The following CCDC88C variants were observed in gnomAD, a reference collection of about 807,000 sequenced individuals.
CCDC88C encodes coiled-coil and HOOK domain protein 88C.
A neutral mutation model predicts 198.8 loss-of-function variants in CCDC88C; 131 were observed. The ratio of observed to expected loss-of-function variants is 0.66; its 90% CI spans 0.57 to 0.76. The LOEUF (loss-of-function observed/expected upper bound fraction) is 0.76, where lower values mean the gene tolerates loss of function less well. Among genes scored for constraint, CCDC88C ranks in the 30% least tolerant of loss-of-function variants. CCDC88C has a pLI of 0.00. For missense variants in CCDC88C, 2,553 were observed against 2,631.6 expected (o/e 0.97, Z 0.65); for synonymous variants, 1,166 against 1,114.7 (o/e 1.05, Z -0.92).
rs147570702 is a variant in CCDC88C, at chr14:91,339,175, C to T, written c.809+103G>A. The T allele has an allele frequency of 9.2e-3, 12,757 of 1,384,826 alleles. 89 individuals carry two copies. Among genetic ancestry groups the T allele is most frequent in the Middle Eastern group, 0.013 (54 of 4,074 alleles). 85.8% of individuals were successfully genotyped at this position (1,384,826 alleles called of 1,614,324 possible). On this transcript the variant is annotated intron_variant, in intron 8 of 29. Transcript: ENST00000389857. This position sits in a 1 kb window ranked among gnomAD's most constrained non-coding sequence, Gnocchi z 5.8. ...AGACCCCAGCTGACTCCGGGGCACA[C>T]GTCAGAGCTGTGCCATTGGCAGCAC...
chr14:91,278,031 C>A lies in CCDC88C; in HGVS notation c.4949G>T (p.Gly1650Val), dbSNP rs766302967. The A allele has an allele frequency of 1.2e-5, 20 of 1,604,400 alleles. No homozygotes were observed. Among genetic ancestry groups the A allele is most frequent in the Non-Finnish European group, 1.5e-5 (18 of 1,175,638 alleles). The change falls in exon 29 of 30, where the codon GGC becomes GTC. Residue 1650 changes from glycine to valine, a missense_variant. By Grantham distance (109) the Gly-to-Val change is moderately radical. Around this residue, in one of 2 missense-constraint regions of CCDC88C, gnomAD observed 1,293 missense variants for 1,219.6 expected, o/e 1.06. Transcript: ENST00000389857. The stretch of plus-strand genomic sequence containing the variant: ...CACTCCGACGTAGGGAGGGGCTGTG[C>A]CCCTCTTCTGGGCACCCTCCTGTGG... ...PLPQEGAQKR[G>V]TAPPYVGVRP...
At chr14:91,324,980 A>G in intron 11 of CCDC88C, 57 bp from the exon 12 acceptor site, 1 of 1,606,144 alleles carries the variant, frequency 6.2e-7, no homozygotes, top group Non-Finnish European at 8.5e-7. Context: ...ATCCCCCTGG[A>G]CAAGCCTCAG....
chr14:91,415,440 G>A (rs544939507), intron 2 of CCDC88C, among the ~76,000 whole-genome samples: 151 of 152,038 alleles, frequency 9.9e-4, no homozygotes, highest in African/African-American at 3.6e-3. Flanking sequence ...AATAAAAGGA[G>A]GCCGGGCACC....
chr14:91,359,617 G>A (rs866163202), intron 4 of CCDC88C, 25 bp downstream of exon 4: 1 of 1,589,820 alleles, frequency 6.3e-7, no homozygotes, highest in Middle Eastern at 1.7e-4. Flanking sequence ...GCACCACAGG[G>A]GAGAAGGGAG....
At position 91,321,341 on chromosome 14, in the gene CCDC88C, G is replaced by A. The variant is rs367852359; in HGVS notation, c.1343-37C>T. 1.1e-4 allele frequency: 177 copies of A among 1,543,432 alleles called. No homozygotes were observed. In the African/African-American group the frequency reaches 2.2e-3, roughly 19 times the overall value. Reference sequence around the variant, plus strand: ...GTCCAGTCAGAGCCCAGTGGTCTGTGGGCCTCCACTTCCACTCTCTGCCCC... The same window carrying A: ...GTCCAGTCAGAGCCCAGTGGTCTGTAGGCCTCCACTTCCACTCTCTGCCCC... On this transcript the variant is annotated intron_variant, in intron 12 of 29. Transcript: ENST00000389857.
intron 3 of CCDC88C, among the ~76,000 whole-genome samples, chr14:91,404,180 G>GGTGCTCTCTCTCCAAGGCTT (rs1432651990): frequency 5.3e-5 from 8 of 152,176 alleles, no homozygotes; most frequent in Non-Finnish European, 1.2e-4. Flanking sequence ...GACTGACCCA[G>GGTGCTCTCTCTCCAAGGCTT]GTGCTCTCTC....
At chr14:91,309,790 T>C (rs985693522) in intron 16 of CCDC88C, 69 bp downstream of exon 16, 141 of 1,517,126 alleles carry the variant, frequency 9.3e-5, no homozygotes, top group Admixed American at 7.9e-4. Context: ...CAGGGGAGGG[T>C]GAGGAGCCTG....
chr14:91,342,323 C>G, intron 6 of CCDC88C, 57 bp downstream of exon 6: 12 of 1,119,508 alleles, frequency 1.1e-5, no homozygotes, highest in Non-Finnish European at 1.6e-5. Context: ...TTTTGCCTCC[C>G]GGCCACCACA....
At position 91,283,451 on chromosome 14, in the gene CCDC88C, G is replaced by A. The variant is rs1363747292; in HGVS notation, c.4508C>T (p.Ser1503Phe). ...HRGSLDRTDA[S>F]TDLAMRSWPS... ...CCAGGACCTCATGGCCAGATCGGTG[G>A]AGGCATCTGTGCGGTCAAGGCTGCC... The change falls in exon 26 of 30, where the codon TCC becomes TTC. Residue 1503 changes from serine to phenylalanine, a missense_variant. Around this residue, in one of 2 missense-constraint regions of CCDC88C, gnomAD observed 1,293 missense variants for 1,219.6 expected, o/e 1.06. Coordinates refer to ENST00000389857, the MANE Select transcript of CCDC88C (RefSeq NM_001080414.4). 1 of 1,613,424 alleles carries A rather than the reference G, an allele frequency of 6.2e-7. No individual in the cohort carries two copies. The highest frequency in any genetic ancestry group is 8.5e-7 in the Non-Finnish European group (1 of 1,179,694).
In CCDC88C at chr14:91,316,068, C is replaced by T. The variant is rs775943762; in HGVS notation, c.1528-281G>A. On this transcript the variant is annotated intron_variant, in intron 13 of 29. Transcript: ENST00000389857. ...TGAGGCCGCCACCGCTGGGTGCCCT[C>T]GGGGGTTTCACACGCACCCAGCTTC... is the stretch of plus-strand genomic sequence containing the variant. Among the ~76,000 whole-genome samples the T allele has an allele frequency of 3.9e-5, 6 of 152,356 alleles. No individual in the cohort carries two copies. In the South Asian group the frequency reaches 6.2e-4, roughly 16 times the overall value.
intron 29 of CCDC88C, among the ~76,000 whole-genome samples, chr14:91,275,809 C>G (rs1169781977): frequency 7.0e-6 from 1 of 141,854 alleles, no homozygotes; most frequent in African/African-American, 2.6e-5. Context: ...TTGGCCTAGA[C>G]CAGTGGTTCT....
At chr14:91,379,548 T>C in intron 3 of CCDC88C, 1 of 506,680 alleles carries the variant, frequency 2.0e-6, no homozygotes, top group Non-Finnish European at 3.5e-6. Flanking sequence ...TGTTTCTCAC[T>C]CCATGTTTAC....
intron 3 of CCDC88C, among the ~76,000 whole-genome samples, chr14:91,360,252 T>TCACACACA (rs57026211): frequency 0.053 from 7,585 of 144,194 alleles, 219 homozygotes; most frequent in East Asian, 0.065. Flanking sequence ...GACCCCATCT[T>TCACACACA]CACACACACA....
In CCDC88C at chr14:91,307,341, C is replaced by T. The variant is rs571048804; in HGVS notation, c.3007-115G>A. On this transcript the variant is annotated intron_variant, in intron 17 of 29. Transcript: ENST00000389857. ...ACCCTCCACACTCCCCATACTCGCC[C>T]GCCCTGGTCTGTGTAAGCCAGACGC... is the stretch of plus-strand genomic sequence containing the variant. 2.0e-3 allele frequency: 1,709 copies of T among 875,628 alleles called. 2 individuals are homozygous for T. Among genetic ancestry groups the T allele is most frequent in the Non-Finnish European group, 2.6e-3 (1,437 of 544,368 alleles). The allele number at this position is 875,628 out of a possible 1,614,324, so 54.2% of individuals were successfully genotyped here.
chr14:91,407,959 T>C (rs1204897803), intron 3 of CCDC88C, among the ~76,000 whole-genome samples: 1 of 152,130 alleles, frequency 6.6e-6, no homozygotes, highest in Non-Finnish European at 1.5e-5. Context: ...TTTGCATTTT[T>C]AGTAGAGGTG....
At position 91,308,344 on chromosome 14, in the gene CCDC88C, C is replaced by T. The variant is rs1891651108; in HGVS notation, c.3006+7G>A. On this transcript the variant is annotated splice_region_variant and intron_variant, in intron 17 of 29. Coordinates refer to ENST00000389857, the MANE Select transcript of CCDC88C (RefSeq NM_001080414.4). Reference sequence around the variant, plus strand: ...GCTGGGCCCCACAGTGCAACCTCCACACTCACCATCTGCAGCTCACTCTCT... The same window carrying T: ...GCTGGGCCCCACAGTGCAACCTCCATACTCACCATCTGCAGCTCACTCTCT... The T allele has an allele frequency of 1.2e-6, 2 of 1,613,958 alleles. No homozygotes were observed. Among genetic ancestry groups the T allele is most frequent in the Non-Finnish European group, 1.7e-6 (2 of 1,179,822 alleles).
intron 17 of CCDC88C, among the ~76,000 whole-genome samples, chr14:91,307,753 C>T (rs1173267407): frequency 2.6e-5 from 4 of 152,196 alleles, no homozygotes. Flanking sequence ...CGGGTGTGTA[C>T]ACCTGTGTGT....
intron 6 of CCDC88C, among the ~76,000 whole-genome samples, chr14:91,341,792 C>A (rs1235787684): frequency 6.6e-6 from 1 of 152,220 alleles, no homozygotes; most frequent in African/African-American, 2.4e-5. Flanking sequence ...GAAGGTCAGG[C>A]CTCAAAGGCC....
intron 3 of CCDC88C, among the ~76,000 whole-genome samples, chr14:91,406,561 C>T (rs1195929184): frequency 2.0e-5 from 3 of 152,266 alleles, no homozygotes; most frequent in Non-Finnish European, 4.4e-5. Flanking sequence ...CCCCAACTGC[C>T]CGCACGCAGG....
Sources: allele counts gnomAD v4.1 joint callset (sites outside exome capture counted in the v4.1 genomes callset), GRCh38; gene constraint gnomAD v4.1.1; regional missense constraint gnomAD v4.1.1; non-coding constraint Gnocchi (gnomAD v3.1); transcripts MANE v1.5; gene names NCBI Gene and HGNC (gene_info 2026-07-23, HGNC 2026-07-21).